The following CNTN6 variants were observed in gnomAD, a reference collection of about 807,000 sequenced individuals.
CNTN6 encodes contactin 6, also known as contactin-6.
CNTN6 carries 137 observed loss-of-function variants against 122.8 expected under a neutral mutation model. The ratio of observed to expected loss-of-function variants is 1.12; its 90% confidence interval spans 0.97 to 1.29. The LOEUF (loss-of-function observed/expected upper bound fraction) is 1.29, where lower values mean the gene tolerates loss of function less well. Among genes scored for constraint, CNTN6 ranks in the 50% most tolerant of loss-of-function variants. CNTN6 has a pLI of 0.00. For synonymous variants in CNTN6, 570 were observed against 426.0 expected, an observed-to-expected ratio of 1.34 and a Z score of -4.16; for missense variants, 1,634 against 1,223.4, an observed-to-expected ratio of 1.34 and a Z score of -5.01.
At chr3:1,143,642 T>C (rs539573111) in intron 1 of CNTN6, among the ~76,000 whole-genome samples, 5 of 152,314 alleles carry the variant, frequency 3.3e-5, no homozygotes, top group Admixed American at 3.3e-4. Context: ...TGAGCCAGAG[T>C]ATTCTCCTTC....
At chr3:1,247,538 A>T (rs2094599457) in intron 4 of CNTN6, among the ~76,000 whole-genome samples, 2 of 152,312 alleles carry the variant, frequency 1.3e-5, no homozygotes, top group South Asian at 2.1e-4. Flanking sequence ...AATTCATGCC[A>T]TGAGATCCAA....
At chr3:1,377,206 C>A in intron 17 of CNTN6, 131 bp downstream of exon 17, 1 of 552,952 alleles carries the variant, frequency 1.8e-6, no homozygotes, top group Non-Finnish European at 3.1e-6. Context: ...ATACATCATC[C>A]TGATGATGAA....
At chr3:1,186,342 T>C (rs1052865135) in intron 2 of CNTN6, among the ~76,000 whole-genome samples, 2 of 152,054 alleles carry the variant, frequency 1.3e-5, no homozygotes, top group Non-Finnish European at 2.9e-5. Flanking sequence ...TCAAACCCGA[T>C]TTTCACAGAT....
chr3:1,176,256 A>G (rs2125318270), intron 2 of CNTN6, among the ~76,000 whole-genome samples: 1 of 152,312 alleles, frequency 6.6e-6, no homozygotes, highest in Admixed American at 6.5e-5. Context: ...TGTTTCTACT[A>G]AAAATACAAA....
chr3:1,379,344 G>A (rs998526169), intron 17 of CNTN6, among the ~76,000 whole-genome samples: 1 of 152,084 alleles, frequency 6.6e-6, no homozygotes, highest in Non-Finnish European at 1.5e-5. Flanking sequence ...TCTTGCTGTT[G>A]CATGAGACCA....
Position 1,260,739 on chromosome 3 carries a change from T to A in CNTN6, c.359-17674T>A, listed in dbSNP as rs151324363. 1.2e-3 allele frequency among the ~76,000 whole-genome samples: 188 copies of A among 152,036 alleles called. 3 individuals carry two copies. The East Asian group carries it at 0.033, about 27-fold the overall frequency. ...CTCTTGATAATGAGTTCTCACGAGA[T>A]CTGATAATTTAAAGGGGCTTTTCTC... On this transcript the variant is annotated intron_variant, in intron 4 of 22. Coordinates refer to ENST00000446702, the MANE Select transcript of CNTN6 (RefSeq NM_001289080.2).
chr3:1,234,209 T>C (rs2094393520), intron 4 of CNTN6, among the ~76,000 whole-genome samples: 2 of 152,188 alleles, frequency 1.3e-5, no homozygotes, highest in African/African-American at 4.8e-5. Context: ...TTTAAATTTA[T>C]ATTTATTTTG....
intron 12 of CNTN6, among the ~76,000 whole-genome samples, chr3:1,356,083 G>A (rs893313477): frequency 1.3e-5 from 2 of 151,752 alleles, no homozygotes; most frequent in East Asian, 1.9e-4. Flanking sequence ...GAGAGTTTAC[G>A]TGTTTTCATT....
At chr3:1,210,172 T>C (rs1428612360) in intron 2 of CNTN6, among the ~76,000 whole-genome samples, 1 of 152,198 alleles carries the variant, frequency 6.6e-6, no homozygotes, top group Admixed American at 6.5e-5. Flanking sequence ...GCTTGATCTT[T>C]TGACTTAAAG....
intron 1 of CNTN6, among the ~76,000 whole-genome samples, chr3:1,131,000 G>A (rs1293504568): frequency 6.6e-6 from 1 of 152,118 alleles, no homozygotes; most frequent in Non-Finnish European, 1.5e-5. Context: ...GAATGGCAAA[G>A]GAACTGAGAA....
In CNTN6 at chr3:1,168,425, C is replaced by A. The variant is rs1236085713; in HGVS notation, c.55+20362C>A. On this transcript the variant is annotated intron_variant, in intron 2 of 22. Coordinates refer to ENST00000446702, the MANE Select transcript of CNTN6 (RefSeq NM_001289080.2). Reference sequence around the variant, plus strand: ...ACAGGAGGTAGTGTAGAACACACCTCAGTGTCTTATCAGAATGTGACTAAG... The same window carrying A: ...ACAGGAGGTAGTGTAGAACACACCTAAGTGTCTTATCAGAATGTGACTAAG... Among the ~76,000 whole-genome samples the A allele has an allele frequency of 6.0e-5, 9 of 149,192 alleles. No homozygotes were observed. In the Admixed American group the frequency reaches 6.1e-4, roughly 10 times the overall value.
intron 4 of CNTN6, among the ~76,000 whole-genome samples, chr3:1,229,282 T>C (rs1244844665): frequency 1.3e-5 from 2 of 152,186 alleles, no homozygotes; most frequent in Non-Finnish European, 2.9e-5. Flanking sequence ...TAAAAACTTA[T>C]GTTATAGAAA....
intron 17 of CNTN6, among the ~76,000 whole-genome samples, chr3:1,379,227 T>A (rs966113561): frequency 2.0e-5 from 3 of 152,180 alleles, no homozygotes; most frequent in African/African-American, 4.8e-5. Flanking sequence ...TTCTTTTTTC[T>A]TTAAGGCAAA....
chr3:1,202,219 G>A (rs2093883170), intron 2 of CNTN6, among the ~76,000 whole-genome samples: 1 of 152,256 alleles, frequency 6.6e-6, no homozygotes, highest in African/African-American at 2.4e-5. Flanking sequence ...GGAATGAGGA[G>A]AAGGAAAAGC....
Position 1,373,729 on chromosome 3 carries a change from C to T in CNTN6, c.1912C>T (p.Pro638Ser). 1 of 1,609,394 alleles carries T rather than the reference C, an allele frequency of 6.2e-7. No homozygotes were observed. Among genetic ancestry groups the T allele is most frequent in the Non-Finnish European group, 8.5e-7 (1 of 1,177,558 alleles). ...IQIFTIQTRT[P>S]FSVGWQAVAT... Reference sequence around the variant, plus strand: ...AATATTTACTATTCAGACTCGGACACCATTTTCTGTGGGTTGGCAGGCTGT... The same window carrying T: ...AATATTTACTATTCAGACTCGGACATCATTTTCTGTGGGTTGGCAGGCTGT... The change falls in exon 15 of 23, where the codon CCA becomes TCA. Residue 638 changes from proline (P) to serine (S), a missense_variant. Coordinates refer to ENST00000446702, the MANE Select transcript of CNTN6 (RefSeq NM_001289080.2).
chr3:1,379,709 G>C (rs374176819), intron 17 of CNTN6, among the ~76,000 whole-genome samples: 13 of 152,194 alleles, frequency 8.5e-5, no homozygotes, highest in Admixed American at 8.5e-4. Context: ...GAGGTGGGGG[G>C]TGGATATCTG....
chr3:1,393,903 T>C (rs1238662124), intron 20 of CNTN6, among the ~76,000 whole-genome samples: 1 of 152,208 alleles, frequency 6.6e-6, no homozygotes, highest in Non-Finnish European at 1.5e-5. Flanking sequence ...TATTCACATC[T>C]CACTACTAAT....
In CNTN6 at chr3:1,297,887, A is replaced by G. The variant is rs1238121586; in HGVS notation, c.659-2A>G. 2 of 1,605,124 alleles carry G rather than the reference A, an allele frequency of 1.2e-6. No individual in the cohort carries two copies. Among genetic ancestry groups the G allele is most frequent in the Admixed American group, 1.7e-5 (1 of 58,988 alleles). Reference sequence around the variant, plus strand: ...GCTGCTAGCTCTTTTGATATTTAACAGGTGTGATGGGGGAATATGAACCAA... The same window carrying G: ...GCTGCTAGCTCTTTTGATATTTAACGGGTGTGATGGGGGAATATGAACCAA... On this transcript the variant is annotated splice_acceptor_variant, in intron 6 of 22. Transcript: ENST00000446702. LOFTEE classifies it high-confidence loss of function.
chr3:1,342,963 C>T (rs1704119120), intron 11 of CNTN6, among the ~76,000 whole-genome samples: 1 of 152,070 alleles, frequency 6.6e-6, no homozygotes, highest in African/African-American at 2.4e-5. Context: ...CCTCTCCTTT[C>T]ACCTCCTCCA....
Sources: allele counts gnomAD v4.1 joint callset (sites outside exome capture counted in the v4.1 genomes callset), GRCh38; gene constraint gnomAD v4.1.1; transcripts MANE v1.5; gene names NCBI Gene and HGNC (gene_info 2026-07-23, HGNC 2026-07-21).